SCFD2: variants seen among roughly 807,000 people sequenced by gnomAD.
SCFD2 encodes sec1 family domain-containing protein 2.
Under a neutral mutation model 58.9 loss-of-function variants are expected in SCFD2, and 54 were observed. The ratio of observed to expected loss-of-function variants is 0.92; its 90% confidence interval spans 0.74 to 1.15. The LOEUF is 1.15. Ranked by LOEUF, SCFD2 falls within the 50% of genes most tolerant of loss-of-function variation. The pLI is 0.00. For synonymous variants in SCFD2, 321 were observed against 335.9 expected (o/e 0.96, Z 0.49); for missense variants, 805 against 836.6 (o/e 0.96, Z 0.47).
At chr4:53,238,576 CGG>C (rs1184608961) in intron 4 of SCFD2, among the ~76,000 whole-genome samples, 1 of 151,198 alleles carries the variant, frequency 6.6e-6, no homozygotes, top group Non-Finnish European at 1.5e-5. Flanking sequence ...GGGCGGCTGC[CGG>C]GCGGAGGGGC....
At chr4:53,203,957 C>G (rs935927519) in intron 4 of SCFD2, among the ~76,000 whole-genome samples, 3 of 152,074 alleles carry the variant, frequency 2.0e-5, no homozygotes, top group Non-Finnish European at 4.4e-5. Flanking sequence ...GAATGTACAC[C>G]AAAAGCTGAT....
chr4:53,190,782 T>C (rs1727870208), intron 4 of SCFD2, among the ~76,000 whole-genome samples: 1 of 152,142 alleles, frequency 6.6e-6, no homozygotes, highest in African/African-American at 2.4e-5. Context: ...AACTAAATCA[T>C]GAAGTGCTCT....
chr4:53,177,644 G>A (rs1000712761), intron 4 of SCFD2, among the ~76,000 whole-genome samples: 2 of 152,216 alleles, frequency 1.3e-5, no homozygotes, highest in Non-Finnish European at 2.9e-5. Context: ...TCATCTCAGT[G>A]GGGAGTGCCA....
At chr4:53,299,192 T>G (rs1041453765) in intron 3 of SCFD2, among the ~76,000 whole-genome samples, 2 of 151,978 alleles carry the variant, frequency 1.3e-5, no homozygotes, top group African/African-American at 4.8e-5. Context: ...AGTTAAAAAC[T>G]TTGAAAAAAA....
intron 4 of SCFD2, among the ~76,000 whole-genome samples, chr4:53,218,262 C>T (rs935066994): frequency 1.8e-4 from 28 of 152,166 alleles, no homozygotes; most frequent in African/African-American, 6.5e-4. Context: ...CCATTCTCCT[C>T]GTCACTTTCA....
chr4:52,896,476 T>A (rs1160121237), intron 7 of SCFD2, among the ~76,000 whole-genome samples: 8 of 152,330 alleles, frequency 5.3e-5, no homozygotes, highest in Admixed American at 2.0e-4. Flanking sequence ...GTTGTAGATA[T>A]GCGGCATTAT....
At chr4:53,160,079 T>C (rs908141354) in intron 4 of SCFD2, among the ~76,000 whole-genome samples, 36 of 152,156 alleles carry the variant, frequency 2.4e-4, no homozygotes, top group African/African-American at 8.4e-4. Flanking sequence ...GGGTGCTAGA[T>C]CAATGTTACA....
chr4:52,875,817 T>TATATAC (rs1718457820), intron 8 of SCFD2, among the ~76,000 whole-genome samples: 1 of 39,902 alleles, frequency 2.5e-5, no homozygotes, highest in Non-Finnish European at 5.1e-5. Flanking sequence ...TATATATATA[T>TATATAC]ATATATATAT....
intron 4 of SCFD2, among the ~76,000 whole-genome samples, chr4:53,164,588 G>A (rs1356410384): frequency 1.3e-5 from 2 of 152,116 alleles, no homozygotes; most frequent in African/African-American, 4.8e-5. Flanking sequence ...GAGATGAGGT[G>A]TTCAAGACCA....
intron 4 of SCFD2, among the ~76,000 whole-genome samples, chr4:53,234,603 C>A (rs1314128292): frequency 6.6e-6 from 1 of 152,088 alleles, no homozygotes; most frequent in Non-Finnish European, 1.5e-5. Context: ...TGATACATTT[C>A]TTTGGAAAAT....
At chr4:52,918,613 C>G (rs920708694) in intron 6 of SCFD2, among the ~76,000 whole-genome samples, 3 of 152,026 alleles carry the variant, frequency 2.0e-5, no homozygotes, top group African/African-American at 7.3e-5. Context: ...CCAATCCTAC[C>G]CATCCACCAT....
At position 53,365,840 on chromosome 4, in the gene SCFD2, C is replaced by T. The variant is rs201405213; in HGVS notation, c.102G>A (p.Glu34=). 3 of 1,613,616 alleles carry T rather than the reference C, an allele frequency of 1.9e-6. No homozygotes were observed. Among genetic ancestry groups the T allele is most frequent in the South Asian group, 2.2e-5 (2 of 91,046 alleles). ...TGGATCCGCAGCCCCAGTGCAGGCT[C>T]TCGGCGCAGGCGGCGTCCAGGTAAA... ...AVVYLDAACA[E]SLHWGCGSTR... Residue 34 remains glutamate, a synonymous_variant, in exon 1 of 9, where the codon GAG becomes GAA. Coordinates refer to ENST00000401642, the MANE Select transcript of SCFD2 (RefSeq NM_152540.4). This position sits in a 1 kb window ranked among gnomAD's most constrained non-coding sequence, Gnocchi z 4.3.
At chr4:53,351,737 A>G (rs1235153524) in intron 2 of SCFD2, among the ~76,000 whole-genome samples, 1 of 152,172 alleles carries the variant, frequency 6.6e-6, no homozygotes, top group African/African-American at 2.4e-5. Context: ...TTCTTCCCAC[A>G]TTGACCCACA....
intron 4 of SCFD2, among the ~76,000 whole-genome samples, chr4:53,174,671 A>G (rs1279230138): frequency 2.0e-5 from 3 of 152,190 alleles, no homozygotes; most frequent in Admixed American, 2.0e-4. Flanking sequence ...GGAAGAATGG[A>G]AAGAGACTTA....
chr4:53,115,148 A>C (rs1725285007), intron 5 of SCFD2, among the ~76,000 whole-genome samples: 1 of 152,172 alleles, frequency 6.6e-6, no homozygotes, highest in Non-Finnish European at 1.5e-5. Flanking sequence ...CAATAGTTAC[A>C]ATAAATGTAA....
Position 52,920,847 on chromosome 4 carries a change from T to A in SCFD2, c.1585A>T (p.Thr529Ser). 1 of 1,611,296 alleles carries A rather than the reference T, an allele frequency of 6.2e-7. No homozygotes were observed. The highest frequency in any genetic ancestry group is 8.5e-7 in the Non-Finnish European group (1 of 1,178,400). The change falls in exon 6 of 9, where the codon ACA becomes TCA. Residue 529 changes from threonine (T) to serine (S), a missense_variant. Coordinates refer to ENST00000401642, the MANE Select transcript of SCFD2 (RefSeq NM_152540.4). ...ITDWDSSINL[T>S]FHKSKIAVDE... ...ACGGCAATTTTGGATTTGTGAAATG[T>A]CAGATTAATTGAAGAGTCCCAGTCT... is the stretch of plus-strand genomic sequence containing the variant.
chr4:53,255,742 G>A (rs1425242256), intron 4 of SCFD2, among the ~76,000 whole-genome samples: 4 of 152,134 alleles, frequency 2.6e-5, no homozygotes, highest in Admixed American at 6.5e-5. Context: ...CCTCCCAGAC[G>A]GGGTGGTGGC....
intron 4 of SCFD2, among the ~76,000 whole-genome samples, chr4:53,176,270 C>T (rs1431300986): frequency 6.6e-6 from 1 of 152,200 alleles, no homozygotes; most frequent in Non-Finnish European, 1.5e-5. Flanking sequence ...AGTCTAAAAA[C>T]ACTGGATAGA....
At chr4:53,311,090 C>T (rs1284436458) in intron 3 of SCFD2, among the ~76,000 whole-genome samples, 1 of 152,140 alleles carries the variant, frequency 6.6e-6, no homozygotes, top group Non-Finnish European at 1.5e-5. Flanking sequence ...CAGTTCTCTT[C>T]CTTACTGTTC....
Sources: allele counts gnomAD v4.1 joint callset (sites outside exome capture counted in the v4.1 genomes callset), GRCh38; gene constraint gnomAD v4.1.1; non-coding constraint Gnocchi (gnomAD v3.1); transcripts MANE v1.5; gene names NCBI Gene and HGNC (gene_info 2026-07-23, HGNC 2026-07-21).